MYT1L: variants seen among roughly 807,000 people sequenced by gnomAD.
MYT1L encodes the protein myelin transcription factor 1 like, also known as myelin transcription factor 1-like protein.
MYT1L carries 12 observed loss-of-function variants against 126.7 expected under a neutral mutation model. That is an observed-to-expected ratio of 0.09 (90% confidence interval 0.06 to 0.15). MYT1L has a LOEUF of 0.15. MYT1L is among the 10% of genes least tolerant of loss of function. The pLI, the probability that MYT1L is intolerant of heterozygous loss-of-function variation, is 1.00. For missense variants in MYT1L, 979 were observed against 1,585.2 expected (o/e 0.62, Z 6.49); for synonymous variants, 541 against 604.2 (o/e 0.90, Z 1.53).
intron 3 of MYT1L, among the ~76,000 whole-genome samples, chr2:2,169,630 GT>G (rs570451591): frequency 2.0e-5 from 3 of 151,466 alleles, no homozygotes; most frequent in Non-Finnish European, 4.4e-5. Flanking sequence ...GTTTGCTATG[GT>G]TTTTTTTTAA....
At chr2:1,925,705 C>A (rs1191624328) in intron 9 of MYT1L, among the ~76,000 whole-genome samples, 2 of 152,120 alleles carry the variant, frequency 1.3e-5, no homozygotes, top group Non-Finnish European at 2.9e-5. Flanking sequence ...GCATCTCCAG[C>A]TTTATACTCT....
rs532871714 is a variant in MYT1L, at chr2:1,934,197, A to G, written c.505+8785T>C. ...CATCGTGTTAGCCAGGATGGTCTCG[A>G]TCTCCTGACCTCGTGATCCTCCCGC... On this transcript the variant is annotated intron_variant, in intron 9 of 24. Coordinates refer to ENST00000647738, the MANE Select transcript of MYT1L (RefSeq NM_001303052.2). Among the ~76,000 whole-genome samples, 485 of 150,736 alleles carry G rather than the reference A, an allele frequency of 3.2e-3. 11 individuals carry two copies. Among genetic ancestry groups the G allele is most frequent in the South Asian group, 8.4e-4 (4 of 4,774 alleles).
At chr2:1,900,906 A>G (rs911613407) in intron 14 of MYT1L, among the ~76,000 whole-genome samples, 1 of 152,140 alleles carries the variant, frequency 6.6e-6, no homozygotes, top group African/African-American at 2.4e-5. Flanking sequence ...CTCTGCCGGG[A>G]ATGCGATGAT....
intron 2 of MYT1L, among the ~76,000 whole-genome samples, chr2:2,255,547 A>T (rs1029244120): frequency 1.3e-5 from 2 of 152,208 alleles, no homozygotes; most frequent in Non-Finnish European, 2.9e-5. Context: ...TCTGGAAACG[A>T]TATTTACATC....
At chr2:1,803,135 G>A (rs996249635) in intron 22 of MYT1L, among the ~76,000 whole-genome samples, 2 of 152,080 alleles carry the variant, frequency 1.3e-5, no homozygotes, top group African/African-American at 4.8e-5. Context: ...CCTTAGATGC[G>A]GCTTTTAGTG....
intron 1 of MYT1L, among the ~76,000 whole-genome samples, chr2:2,315,168 T>A (rs1262130366): frequency 6.6e-6 from 1 of 152,208 alleles, no homozygotes; most frequent in African/African-American, 2.4e-5. Context: ...TTTGGGGGAA[T>A]TGTTGATATT....
intron 9 of MYT1L, among the ~76,000 whole-genome samples, chr2:1,937,499 G>A (rs188837770): frequency 1.2e-3 from 167 of 139,786 alleles, no homozygotes; most frequent in African/African-American, 4.1e-3. Context: ...TAACGTCCGC[G>A]GCCATCAGAT....
At chr2:2,243,860 C>A (rs140672680) in intron 2 of MYT1L, among the ~76,000 whole-genome samples, 1 of 152,252 alleles carries the variant, frequency 6.6e-6, no homozygotes, top group African/African-American at 2.4e-5. Flanking sequence ...AAGTTAGCTT[C>A]CAGTGGAAAG....
At chr2:2,306,458 T>C (rs757793159) in intron 1 of MYT1L, among the ~76,000 whole-genome samples, 13 of 152,192 alleles carry the variant, frequency 8.5e-5, no homozygotes, top group Non-Finnish European at 1.8e-4. Context: ...GGAATCTTTA[T>C]TCCACATCAT....
At chr2:2,003,686 A>G (rs73190454) in intron 4 of MYT1L, among the ~76,000 whole-genome samples, 8,938 of 152,206 alleles carry the variant, frequency 0.059, 857 homozygotes, top group African/African-American at 0.2. Flanking sequence ...GAGGTAAGAC[A>G]GCACCCTGGT....
intron 4 of MYT1L, among the ~76,000 whole-genome samples, chr2:2,020,965 C>T (rs1216703471): frequency 1.3e-5 from 2 of 152,234 alleles, no homozygotes; most frequent in African/African-American, 2.4e-5. Context: ...GACCTTCCCT[C>T]CTGCAGCAGA....
chr2:1,829,776 T>C (rs371645510), intron 21 of MYT1L, among the ~76,000 whole-genome samples: 9 of 95,342 alleles, frequency 9.4e-5, no homozygotes, highest in African/African-American at 3.5e-4. Context: ...CACCTGTGAA[T>C]TGACCTTCCC....
intron 4 of MYT1L, among the ~76,000 whole-genome samples, chr2:2,000,514 T>C (rs1040748629): frequency 2.6e-4 from 39 of 152,168 alleles, no homozygotes; most frequent in African/African-American, 8.9e-4. Flanking sequence ...CACTTCTCCC[T>C]GGGCTGGGCA....
intron 21 of MYT1L, among the ~76,000 whole-genome samples, chr2:1,829,094 A>C (rs942392274): frequency 2.6e-5 from 4 of 152,162 alleles, no homozygotes; most frequent in African/African-American, 9.6e-5. Flanking sequence ...CCCTGCATCT[A>C]CTGGCTGCCC....
chr2:2,021,322 G>A (rs1179948727), intron 4 of MYT1L, among the ~76,000 whole-genome samples: 1 of 152,172 alleles, frequency 6.6e-6, no homozygotes, highest in South Asian at 2.1e-4. Context: ...GGGGAAGGTT[G>A]ACATGGGAGG....
chr2:2,246,864 T>C (rs78640947), intron 2 of MYT1L, among the ~76,000 whole-genome samples: 1,539 of 152,264 alleles, frequency 0.01, 28 homozygotes, highest in African/African-American at 0.035. Context: ...CAATGCTTTT[T>C]AAGAACATGG....
At chr2:1,827,603 T>C (rs1338587674) in intron 21 of MYT1L, 2 of 152,144 alleles carry the variant, frequency 1.3e-5, no homozygotes, top group Admixed American at 1.3e-4. Context: ...GGGATCAGCA[T>C]TGCTGACACA....
At chr2:2,320,870 C>T (rs1285422675) in intron 1 of MYT1L, among the ~76,000 whole-genome samples, 2 of 152,206 alleles carry the variant, frequency 1.3e-5, no homozygotes, top group Non-Finnish European at 2.9e-5. Context: ...CTTGCCATCC[C>T]TTATAATCAT....
intron 4 of MYT1L, among the ~76,000 whole-genome samples, chr2:2,016,674 A>G (rs929511263): frequency 1.3e-5 from 2 of 152,254 alleles, no homozygotes; most frequent in South Asian, 2.1e-4. Flanking sequence ...CAAAAATAAT[A>G]TTTAGAATCA....
Sources: allele counts gnomAD v4.1 joint callset (sites outside exome capture counted in the v4.1 genomes callset), GRCh38; gene constraint gnomAD v4.1.1; transcripts MANE v1.5; gene names NCBI Gene and HGNC (gene_info 2026-07-23, HGNC 2026-07-21).